NADSYN1: variants seen among roughly 807,000 people sequenced by gnomAD.
NADSYN1 encodes the protein glutamine-dependent NAD(+) synthetase.
A neutral mutation model predicts 99.3 loss-of-function variants in NADSYN1; 80 were observed. The ratio of observed to expected loss-of-function variants is 0.81; its 90% CI spans 0.67 to 0.97. The LOEUF is 0.97. Among genes scored for constraint, NADSYN1 ranks in the 50% least tolerant of loss-of-function variants. NADSYN1 has a pLI of 0.00. For synonymous variants in NADSYN1, 385 were observed against 372.1 expected (o/e 1.03, Z -0.40); for missense variants, 859 against 948.5 (o/e 0.91, Z 1.24).
chr11:71,491,172 G>A (rs1381458450), intron 17 of NADSYN1, among the ~76,000 whole-genome samples, 196 bp downstream of exon 17: 1 of 152,186 alleles, frequency 6.6e-6, no homozygotes, highest in African/African-American at 2.4e-5. Context: ...CCCCGGCTCC[G>A]GCCAGATCAC....
In NADSYN1 at chr11:71,482,028, AG is replaced by A; in HGVS notation, c.1150+5del. On this transcript the variant is annotated splice_donor_region_variant and intron_variant, in intron 13 of 20. Transcript: ENST00000319023. ...CTGCGAGGCCGTGAGGAGTGGAAGT[AG>A]GTGACATCTGTTGGCTTGAGGGAGG... is the stretch of plus-strand genomic sequence containing the variant. The A allele has an allele frequency of 6.2e-7, 1 of 1,607,778 alleles. No homozygotes were observed. Among genetic ancestry groups the A allele is most frequent in the South Asian group, 1.1e-5 (1 of 89,782 alleles).
chr11:71,457,687 C>T (rs939644923), intron 2 of NADSYN1, among the ~76,000 whole-genome samples: 1 of 152,288 alleles, frequency 6.6e-6, no homozygotes. Context: ...GAGGGTCCCT[C>T]GTGCCTTTCC....
At position 71,481,992 on chromosome 11, in the gene NADSYN1, T is replaced by G. The variant is rs1272003404; in HGVS notation, c.1117T>G (p.Cys373Gly). ...CACCGCCTGCCTCATCTACTCCATG[T>G]GCTGCCAGGTCTGCGAGGCCGTGAG... ...AATACLIYSM[C>G]CQVCEAVRSG... The change falls in exon 13 of 21, where the codon TGC becomes GGC. Residue 373 changes from cysteine (C) to glycine (G), a missense_variant. Physicochemically the swap from Cys to Gly is radical, Grantham distance 159. Coordinates refer to ENST00000319023, the MANE Select transcript of NADSYN1 (RefSeq NM_018161.5). 2 of 1,612,474 alleles carry G rather than the reference T, an allele frequency of 1.2e-6. No individual in the cohort carries two copies. The highest frequency in any genetic ancestry group is 2.7e-5 in the African/African-American group (2 of 74,888).
intron 20 of NADSYN1, 71 bp from the exon 21 acceptor site, chr11:71,501,231 G>T: frequency 7.3e-7 from 1 of 1,369,992 alleles, no homozygotes. Flanking sequence ...CGCTTTTGGT[G>T]CGTGCCAGTG....
At chr11:71,463,884 C>T (rs1303737117) in intron 4 of NADSYN1, among the ~76,000 whole-genome samples, 169 bp from the exon 5 acceptor site, 1 of 152,232 alleles carries the variant, frequency 6.6e-6, no homozygotes, top group African/African-American at 2.4e-5. Flanking sequence ...GCCATGGGGA[C>T]CCGAGTCATA....
At chr11:71,481,473 C>A (rs935094452) in intron 12 of NADSYN1, 69 bp downstream of exon 12, 3 of 1,414,498 alleles carry the variant, frequency 2.1e-6, no homozygotes, top group Non-Finnish European at 2.9e-6. Context: ...TATTCTGGGG[C>A]AGGGTAGGGA....
chr11:71,453,250 G>C lies in NADSYN1; in HGVS notation c.-47G>C. 2 of 1,564,134 alleles carry C rather than the reference G, an allele frequency of 1.3e-6. No individual in the cohort carries two copies. Among genetic ancestry groups the C allele is most frequent in the Non-Finnish European group, 8.8e-7 (1 of 1,139,664 alleles). On this transcript the variant is annotated 5_prime_UTR_variant, in exon 1 of 21. Coordinates refer to ENST00000319023, the MANE Select transcript of NADSYN1 (RefSeq NM_018161.5). ...AGCCGCCTACCTCGCTGGGACCCTG[G>C]TCTTGCTGTCCCCCGCTGGCCTCCT...
At chr11:71,454,120 T>A (rs1485601292) in intron 1 of NADSYN1, among the ~76,000 whole-genome samples, 1 of 152,228 alleles carries the variant, frequency 6.6e-6, no homozygotes, top group Non-Finnish European at 1.5e-5. Flanking sequence ...TGTCTTGCAC[T>A]GGTCTGCTGA....
chr11:71,484,217 G>T lies in NADSYN1; in HGVS notation c.1320-95G>T. On this transcript the variant is annotated intron_variant, in intron 14 of 20. Coordinates refer to ENST00000319023, the MANE Select transcript of NADSYN1 (RefSeq NM_018161.5). ...TCATACGCTTTAAATGGGTTACAATGGTCAGTTTTAGGTCATCAGGGCTTC... is the reference window on the plus strand; with the variant it reads ...TCATACGCTTTAAATGGGTTACAATTGTCAGTTTTAGGTCATCAGGGCTTC... 4.0e-6 allele frequency: 6 copies of T among 1,516,156 alleles called. No homozygotes were observed. In the Admixed American group the frequency reaches 7.4e-5, roughly 19 times the overall value. 93.9% of individuals were successfully genotyped at this position (1,516,156 alleles called of 1,614,324 possible). A position where few individuals can be genotyped will look rare whatever the true frequency, so the allele number is the denominator to read the frequency against.
At chr11:71,474,905 G>A in intron 9 of NADSYN1, 3 of 320,288 alleles carry the variant, frequency 9.4e-6, no homozygotes, top group South Asian at 8.1e-5. Flanking sequence ...GGATGAGGTT[G>A]AGGGCAGCTT....
chr11:71,487,015 C>T (rs1343786108), intron 16 of NADSYN1, among the ~76,000 whole-genome samples: 1 of 152,018 alleles, frequency 6.6e-6, no homozygotes, highest in Non-Finnish European at 1.5e-5. Flanking sequence ...ACCGTGTTAG[C>T]CAGGATGGTC....
intron 18 of NADSYN1, 174 bp from the exon 19 acceptor site, chr11:71,497,309 A>G (rs1241315678): frequency 5.5e-6 from 4 of 720,776 alleles, no homozygotes; most frequent in African/African-American, 5.4e-5. Context: ...CTGTTTTCCA[A>G]ATGCTACCTC....
At chr11:71,455,020 A>G in intron 1 of NADSYN1, 90 bp from the exon 2 acceptor site, 1 of 954,420 alleles carries the variant, frequency 1.0e-6, no homozygotes, top group African/African-American at 1.7e-5. Context: ...TTTTTTTTTT[A>G]TCCTACCTAC....
chr11:71,470,990 A>G (rs1949622884), intron 5 of NADSYN1, among the ~76,000 whole-genome samples: 1 of 152,162 alleles, frequency 6.6e-6, no homozygotes, highest in Admixed American at 6.5e-5. Flanking sequence ...CTTATCTGCA[A>G]GTATTTTAAG....
chr11:71,463,556 G>GGC, intron 4 of NADSYN1, 71 bp downstream of exon 4: 1 of 1,467,186 alleles, frequency 6.8e-7, no homozygotes, highest in South Asian at 1.2e-5. Context: ...GGGCTGCCAG[G>GGC]ACCCGTGCTG....
intron 5 of NADSYN1, 57 bp from the exon 6 acceptor site, chr11:71,472,392 C>G (rs1949632563): frequency 7.1e-7 from 1 of 1,402,838 alleles, no homozygotes; most frequent in African/African-American, 1.4e-5. Context: ...ATGTAGCCGC[C>G]ATTCCTCATT....
chr11:71,498,387 C>T lies in NADSYN1; in HGVS notation c.1929C>T (p.Tyr643=). The change falls in exon 20 of 21, where the codon TAC becomes TAT. Residue 643 remains tyrosine, a synonymous_variant. Coordinates refer to ENST00000319023, the MANE Select transcript of NADSYN1 (RefSeq NM_018161.5). ...ADKVKRFFSK[Y]SMNRHKMTTL... is the part of the protein sequence containing the mutation. The stretch of plus-strand genomic sequence containing the variant: ...AAGTGAAGCGGTTTTTCTCCAAGTA[C>T]TCCATGAACAGACACAAGATGACCA... 1 of 1,614,218 alleles carries T rather than the reference C, an allele frequency of 6.2e-7. No individual in the cohort carries two copies. The highest frequency in any genetic ancestry group is 8.5e-7 in the Non-Finnish European group (1 of 1,180,042).
chr11:71,497,690 A>G, intron 19 of NADSYN1, 79 bp downstream of exon 19: 1 of 1,566,422 alleles, frequency 6.4e-7, no homozygotes, highest in South Asian at 1.1e-5. Context: ...GACCTGTAGG[A>G]ACAAGTAGAT....
At chr11:71,474,192 T>C (rs937038259) in intron 8 of NADSYN1, among the ~76,000 whole-genome samples, 1 of 152,212 alleles carries the variant, frequency 6.6e-6, no homozygotes, top group African/African-American at 2.4e-5. Flanking sequence ...AAATGTTTTG[T>C]GTAGAGCCTG....
Sources: allele counts gnomAD v4.1 joint callset (sites outside exome capture counted in the v4.1 genomes callset), GRCh38; gene constraint gnomAD v4.1.1; transcripts MANE v1.5; gene names NCBI Gene and HGNC (gene_info 2026-07-23, HGNC 2026-07-21).